CTTNBP2: variants seen among roughly 807,000 people sequenced by gnomAD.
The protein encoded by CTTNBP2 is cortactin binding protein 2.
A neutral mutation model predicts 156.9 loss-of-function variants in CTTNBP2; 108 were observed. The observed-to-expected ratio is 0.69, with a 90% CI of 0.59 to 0.81. The LOEUF (loss-of-function observed/expected upper bound fraction) is 0.81. CTTNBP2 is among the 30% of genes least tolerant of loss of function. The pLI is 0.00. For synonymous variants in CTTNBP2, 767 were observed against 751.8 expected (o/e 1.02, Z -0.33); for missense variants, 1,924 against 2,035.4 (o/e 0.95, Z 1.05).
At chr7:117,820,328 G>A (rs192686379) in intron 2 of CTTNBP2, among the ~76,000 whole-genome samples, 1 of 152,186 alleles carries the variant, frequency 6.6e-6, no homozygotes, top group Non-Finnish European at 1.5e-5. Context: ...CACTATTTCT[G>A]CCCTGGGCAC....
chr7:117,777,641 A>G lies in CTTNBP2; in HGVS notation c.2648T>C (p.Val883Ala), dbSNP rs778295779. ...SFNEEESESS[V>A]FDLDGGEESP... ...CTCTTCTCCTCCATCCAAGTCAAAG[A>G]CACTTGACTCGGACTCCTCCTCATT... Residue 883 changes from valine (V) to alanine (A), a missense_variant, in exon 8 of 23, where the codon GTC becomes GCC. Physicochemically the swap from Val to Ala is moderately conservative, Grantham distance 64. Coordinates refer to ENST00000160373, the MANE Select transcript of CTTNBP2 (RefSeq NM_033427.3). The G allele has an allele frequency of 3.1e-6, 5 of 1,614,054 alleles. No homozygotes were observed. In the South Asian group the frequency reaches 5.5e-5, roughly 18 times the overall value.
intron 20 of CTTNBP2, 108 bp downstream of exon 20, chr7:117,720,959 A>T: frequency 1.3e-6 from 1 of 787,572 alleles, no homozygotes; most frequent in Non-Finnish European, 2.2e-6. Flanking sequence ...TTAAAACCAT[A>T]TTAACATAAT....
chr7:117,735,151 G>T, intron 15 of CTTNBP2, 51 bp from the exon 16 acceptor site: 1 of 1,590,584 alleles, frequency 6.3e-7, no homozygotes, highest in Non-Finnish European at 8.6e-7. Flanking sequence ...TATGTTATGG[G>T]ACAGATTCAA....
chr7:117,766,429 G>C (rs1797488695), intron 9 of CTTNBP2, among the ~76,000 whole-genome samples: 1 of 152,162 alleles, frequency 6.6e-6, no homozygotes, highest in South Asian at 2.1e-4. Flanking sequence ...TTAGGTTGAA[G>C]ATAAAAACAT....
intron 2 of CTTNBP2, among the ~76,000 whole-genome samples, chr7:117,824,015 T>C (rs1025473348): frequency 3.3e-5 from 5 of 151,980 alleles, no homozygotes; most frequent in African/African-American, 1.2e-4. Context: ...TTGAGGATGA[T>C]TTCTACTTTC....
chr7:117,734,881 C>G (rs183752446), intron 16 of CTTNBP2, 32 bp downstream of exon 16: 1 of 1,537,914 alleles, frequency 6.5e-7, no homozygotes, highest in Non-Finnish European at 8.8e-7. Context: ...CCCCTGCTCT[C>G]CTGGCAACAG....
In CTTNBP2 at chr7:117,810,920, G is replaced by T; in HGVS notation, c.259C>A (p.Leu87Ile). The change falls in exon 3 of 23, where the codon CTC (leucine) becomes ATC (isoleucine). Residue 87 changes from leucine (L) to isoleucine (I), a missense_variant. Leu to Ile is a conservative substitution (Grantham distance 5). Coordinates refer to ENST00000160373, the MANE Select transcript of CTTNBP2 (RefSeq NM_033427.3). ...RFNLNDPFLA[L>I]QRDYEAGAGD... ...GCACCTGCTTCATAGTCTCTCTGGA[G>T]TGCCAGGAACGGGTCATTTAGATTA... 6.2e-7 allele frequency: 1 copy of T among 1,614,092 alleles called. No homozygotes were observed. The highest frequency in any genetic ancestry group is 2.2e-5 in the East Asian group (1 of 44,884).
intron 3 of CTTNBP2, among the ~76,000 whole-genome samples, chr7:117,797,507 T>C (rs2116894810): frequency 6.6e-6 from 1 of 152,220 alleles, no homozygotes; most frequent in Middle Eastern, 3.4e-3. Context: ...TGATCCACGC[T>C]GGAATTAGTG....
chr7:117,729,853 G>C (rs1349372652), intron 16 of CTTNBP2, among the ~76,000 whole-genome samples: 1 of 152,136 alleles, frequency 6.6e-6, no homozygotes, highest in African/African-American at 2.4e-5. Flanking sequence ...GATGAGGTGG[G>C]GACTTCAGCT....
At chr7:117,838,589 A>T (rs937830931) in intron 2 of CTTNBP2, among the ~76,000 whole-genome samples, 1 of 152,206 alleles carries the variant, frequency 6.6e-6, no homozygotes, top group African/African-American at 2.4e-5. Context: ...GATATTCAAA[A>T]AATTAATAGA....
At position 117,728,219 on chromosome 7, in the gene CTTNBP2, C is replaced by T. The variant is rs371160545; in HGVS notation, c.3925G>A (p.Asp1309Asn). The change falls in exon 17 of 23, where the codon GAC becomes AAC. Residue 1309 changes from aspartate (D) to asparagine (N), a missense_variant. Physicochemically the swap from Asp to Asn is conservative, Grantham distance 23. Transcript: ENST00000160373. Reference protein sequence around the residue: ...SPCDPVCKIVDWALSVWRQLN... With the variant: ...SPCDPVCKIVNWALSVWRQLN... ...TGACGCCAGACGGACAGAGCCCAGT[C>T]GACAATCTTGCACACAGGATCGCAG... 50 of 1,614,126 alleles carry T rather than the reference C, an allele frequency of 3.1e-5. No homozygotes were observed. The African/African-American group carries it at 4.0e-4, about 13-fold the overall frequency.
chr7:117,767,556 C>T (rs28491601), intron 8 of CTTNBP2, among the ~76,000 whole-genome samples: 3 of 152,072 alleles, frequency 2.0e-5, no homozygotes, highest in Non-Finnish European at 2.9e-5. Flanking sequence ...TTTGCTATAA[C>T]GGGATGTACT....
intron 10 of CTTNBP2, among the ~76,000 whole-genome samples, chr7:117,758,266 T>G (rs548219078): frequency 3.0e-4 from 45 of 152,254 alleles, no homozygotes; most frequent in African/African-American, 1.1e-3. Context: ...AGGGTTAAGC[T>G]CTCAAGAACA....
intron 8 of CTTNBP2, among the ~76,000 whole-genome samples, chr7:117,773,682 CACACACACACACACACACACACACA>C (rs1797921568): frequency 3.3e-5 from 5 of 150,514 alleles, no homozygotes; most frequent in African/African-American, 1.2e-4. Context: ...CACACACACA[CACACACACACACACACACACACACA>C]CCCCAAAAAA....
intron 2 of CTTNBP2, among the ~76,000 whole-genome samples, chr7:117,840,432 G>C (rs1191600390): frequency 6.6e-6 from 1 of 152,098 alleles, no homozygotes; most frequent in Non-Finnish European, 1.5e-5. Context: ...AGGCCACCTG[G>C]GGAGGATCAT....
At chr7:117,759,626 G>C (rs924932405) in intron 10 of CTTNBP2, among the ~76,000 whole-genome samples, 2 of 152,194 alleles carry the variant, frequency 1.3e-5, no homozygotes, top group African/African-American at 4.8e-5. Flanking sequence ...CCAATACGGT[G>C]CTGTTGAAAG....
intron 2 of CTTNBP2, among the ~76,000 whole-genome samples, chr7:117,852,446 T>C (rs1584552235): frequency 6.6e-6 from 1 of 152,128 alleles, no homozygotes; most frequent in East Asian, 1.9e-4. Context: ...TGTCCTTGTG[T>C]ATTTCAGAAA....
In CTTNBP2 at chr7:117,734,972, C is replaced by T. The variant is rs754336610; in HGVS notation, c.3817G>A (p.Asp1273Asn). The T allele has an allele frequency of 8.1e-6, 13 of 1,613,654 alleles. No homozygotes were observed. The Admixed American group carries it at 2.2e-4, about 27-fold the overall frequency. ...AGCAGTCCTTGCATGGGCTCGCCAT[C>T]CCACCGCAGCTGCACCCAGCGGAAA... ...QHFRWVQLRW[D>N]GEPMQGLLQR... Residue 1273 changes from aspartate (D) to asparagine (N), a missense_variant, in exon 16 of 23, where the codon GAT becomes AAT. Transcript: ENST00000160373.
intron 8 of CTTNBP2, among the ~76,000 whole-genome samples, chr7:117,770,174 GT>G (rs1797727210): frequency 6.6e-6 from 1 of 152,156 alleles, no homozygotes; most frequent in South Asian, 2.1e-4. Context: ...GACAATTTAA[GT>G]GTTATTACTT....
Sources: allele counts gnomAD v4.1 joint callset (sites outside exome capture counted in the v4.1 genomes callset), GRCh38; gene constraint gnomAD v4.1.1; transcripts MANE v1.5; gene names NCBI Gene and HGNC (gene_info 2026-07-23, HGNC 2026-07-21).